TBC1D32: variants seen among roughly 807,000 people sequenced by gnomAD.
The protein encoded by TBC1D32 is TBC1 domain family member 32.
Under a neutral mutation model 170.3 loss-of-function variants are expected in TBC1D32, and 151 were observed. That is an observed-to-expected ratio of 0.89 (90% CI 0.78 to 1.01). The LOEUF is 1.01. Ranked by LOEUF, TBC1D32 falls within the 50% of genes least tolerant of loss-of-function variation. TBC1D32 has a pLI of 0.00. For synonymous variants in TBC1D32, 498 were observed against 488.0 expected (o/e 1.02, Z -0.27); for missense variants, 1,464 against 1,457.1 (o/e 1.00, Z -0.08).
intron 23 of TBC1D32, among the ~76,000 whole-genome samples, chr6:121,160,342 T>C (rs981840662): frequency 2.0e-5 from 3 of 151,896 alleles, no homozygotes; most frequent in Non-Finnish European, 2.9e-5. Flanking sequence ...TATGGTAACT[T>C]GTAGTAAGCA....
At chr6:121,115,307 GA>G in intron 26 of TBC1D32, 66 bp from the exon 27 acceptor site, 1 of 1,128,138 alleles carries the variant, frequency 8.9e-7, no homozygotes, top group Non-Finnish European at 1.2e-6. Flanking sequence ...CATTTTAATT[GA>G]AAATTGATGA....
At chr6:121,314,658 T>C (rs1005879317) in intron 3 of TBC1D32, among the ~76,000 whole-genome samples, 6 of 152,194 alleles carry the variant, frequency 3.9e-5, no homozygotes, top group Non-Finnish European at 5.9e-5. Context: ...TGCTGTACTA[T>C]ACTAATTACT....
chr6:121,135,630 GCTAA>G (rs767485034), intron 24 of TBC1D32, among the ~76,000 whole-genome samples: 32 of 152,258 alleles, frequency 2.1e-4, no homozygotes, highest in East Asian at 5.8e-4. Context: ...TAGCAAACTG[GCTAA>G]CTATTTGTCA....
intron 24 of TBC1D32, among the ~76,000 whole-genome samples, chr6:121,149,490 T>C (rs1328019042): frequency 1.3e-5 from 2 of 152,122 alleles, no homozygotes; most frequent in East Asian, 1.9e-4. Context: ...TCCAGTTTTC[T>C]CAATACCATT....
chr6:121,106,811 A>G (rs1778733224), intron 29 of TBC1D32, among the ~76,000 whole-genome samples: 1 of 151,978 alleles, frequency 6.6e-6, no homozygotes, highest in Non-Finnish European at 1.5e-5. Context: ...TTATATTGAT[A>G]GTTACTTATA....
At chr6:121,204,597 T>C (rs1454390000) in intron 22 of TBC1D32, among the ~76,000 whole-genome samples, 3 of 151,236 alleles carry the variant, frequency 2.0e-5, no homozygotes, top group Admixed American at 1.3e-4. Flanking sequence ...CATTTGAACA[T>C]GGAAAATAAA....
chr6:121,110,139 T>C (rs1454240789), intron 29 of TBC1D32, among the ~76,000 whole-genome samples: 3 of 151,506 alleles, frequency 2.0e-5, no homozygotes, highest in Admixed American at 2.0e-4. Context: ...TAGTCCCAGC[T>C]ACTCGGGAGG....
chr6:121,231,770 T>G (rs748460374), intron 20 of TBC1D32, among the ~76,000 whole-genome samples: 3 of 152,148 alleles, frequency 2.0e-5, no homozygotes, highest in Non-Finnish European at 4.4e-5. Context: ...TGGTTGCTTG[T>G]GTTTTTCTTG....
chr6:121,200,601 T>C (rs562710019), intron 22 of TBC1D32, among the ~76,000 whole-genome samples: 7 of 151,644 alleles, frequency 4.6e-5, no homozygotes, highest in African/African-American at 1.7e-4. Context: ...GGCAATGTGG[T>C]AGACACGAAA....
At chr6:121,132,113 C>T (rs1239205890) in intron 24 of TBC1D32, among the ~76,000 whole-genome samples, 1 of 151,948 alleles carries the variant, frequency 6.6e-6, no homozygotes, top group Non-Finnish European at 1.5e-5. Flanking sequence ...TACACTCATT[C>T]CTCATGTACT....
intron 23 of TBC1D32, among the ~76,000 whole-genome samples, chr6:121,160,600 A>C (rs1230528291): frequency 6.6e-6 from 1 of 152,130 alleles, no homozygotes; most frequent in African/African-American, 2.4e-5. Flanking sequence ...CCAATAAAAT[A>C]AAAAATAATG....
intron 24 of TBC1D32, among the ~76,000 whole-genome samples, chr6:121,159,159 C>T (rs1785275254): frequency 6.6e-6 from 1 of 152,178 alleles, no homozygotes; most frequent in African/African-American, 2.4e-5. Flanking sequence ...GAGTATCCTG[C>T]TTATGGACTA....
At chr6:121,188,540 AAAGAT>A (rs1295658265) in intron 22 of TBC1D32, among the ~76,000 whole-genome samples, 1 of 152,062 alleles carries the variant, frequency 6.6e-6, no homozygotes, top group Non-Finnish European at 1.5e-5. Flanking sequence ...CTAAATCCCT[AAAGAT>A]AAGAGATGAA....
At chr6:121,218,029 T>G (rs1264309708) in intron 21 of TBC1D32, among the ~76,000 whole-genome samples, 2 of 152,202 alleles carry the variant, frequency 1.3e-5, no homozygotes, top group African/African-American at 4.8e-5. Context: ...AAGACTAAGA[T>G]GCCTGTGATT....
chr6:121,205,228 A>G, intron 21 of TBC1D32, 65 bp from the exon 22 acceptor site: 1 of 787,548 alleles, frequency 1.3e-6, no homozygotes, highest in South Asian at 2.4e-5. Flanking sequence ...TTAAGTCAAC[A>G]ACAATTTATT....
chr6:121,225,450 C>A (rs1212198018), intron 20 of TBC1D32, among the ~76,000 whole-genome samples: 1 of 151,838 alleles, frequency 6.6e-6, no homozygotes, highest in African/African-American at 2.4e-5. Flanking sequence ...ACAAAAAAGC[C>A]TTTTAAAATG....
chr6:121,215,725 A>AAG (rs1793737978), intron 21 of TBC1D32, among the ~76,000 whole-genome samples: 1 of 152,184 alleles, frequency 6.6e-6, no homozygotes, highest in African/African-American at 2.4e-5. Flanking sequence ...GAAGACATAT[A>AAG]TGTGGCCAAG....
At chr6:121,136,543 C>T (rs1464842497) in intron 24 of TBC1D32, among the ~76,000 whole-genome samples, 4 of 152,006 alleles carry the variant, frequency 2.6e-5, no homozygotes, top group Admixed American at 6.6e-5. Flanking sequence ...GGAAAATCCC[C>T]CCCTGGCAAA....
chr6:121,286,699 G>A (rs1803901408), intron 12 of TBC1D32, among the ~76,000 whole-genome samples: 1 of 152,100 alleles, frequency 6.6e-6, no homozygotes, highest in African/African-American at 2.4e-5. Flanking sequence ...ACACATAATT[G>A]TCAGATTCAC....
Sources: allele counts gnomAD v4.1 joint callset (sites outside exome capture counted in the v4.1 genomes callset), GRCh38; gene constraint gnomAD v4.1.1; transcripts MANE v1.5; gene names NCBI Gene and HGNC (gene_info 2026-07-23, HGNC 2026-07-21).